Variants in ADAMTSL1 observed in about 807,000 individuals in gnomAD.
ADAMTSL1 encodes ADAMTS-like protein 1.
In ADAMTSL1, 126 loss-of-function variants were observed where a neutral mutation model predicts 201.8. That is an observed-to-expected ratio of 0.62 (90% CI 0.54 to 0.72). ADAMTSL1 has a LOEUF of 0.72. Among genes scored for constraint, ADAMTSL1 ranks in the 30% least tolerant of loss-of-function variants. The probability of loss-of-function intolerance (pLI) is 0.00; values close to 1 mark genes in which losing one functional copy is unlikely to be tolerated. For missense variants in ADAMTSL1, 2,679 were observed against 2,277.8 expected, an observed-to-expected ratio of 1.18 and a Z score of -3.59; for synonymous variants, 1,121 against 903.4, an observed-to-expected ratio of 1.24 and a Z score of -4.32.
chr9:18,362,517 T>C (rs536957265), intron 2 of ADAMTSL1, among the ~76,000 whole-genome samples: 74 of 152,342 alleles, frequency 4.9e-4, no homozygotes, highest in Non-Finnish European at 8.5e-4. Flanking sequence ...TGAGTGTTCC[T>C]TGCTTTGTGT....
intron 1 of ADAMTSL1, among the ~76,000 whole-genome samples, chr9:17,969,394 A>G (rs1453865937): frequency 1.3e-5 from 2 of 152,088 alleles, no homozygotes; most frequent in Non-Finnish European, 1.5e-5. Flanking sequence ...GGAAGCTGAG[A>G]TACAGGAGGT....
At chr9:18,158,103 G>A (rs1027110533) in intron 1 of ADAMTSL1, among the ~76,000 whole-genome samples, 8 of 151,980 alleles carry the variant, frequency 5.3e-5, no homozygotes, top group African/African-American at 1.4e-4. Flanking sequence ...CCTGCTCTCT[G>A]TATAAATGGC....
chr9:18,669,275 A>G (rs1020151103), intron 9 of ADAMTSL1, among the ~76,000 whole-genome samples: 1 of 152,256 alleles, frequency 6.6e-6, no homozygotes, highest in African/African-American at 2.4e-5. Context: ...AAAGAAGTAA[A>G]CAAAGACCAA....
At chr9:17,954,795 T>C (rs1827867301) in intron 1 of ADAMTSL1, among the ~76,000 whole-genome samples, 1 of 152,170 alleles carries the variant, frequency 6.6e-6, no homozygotes, top group Non-Finnish European at 1.5e-5. Context: ...GTTAGGTCTG[T>C]TTAGAGTTTT....
At chr9:18,288,413 G>A (rs573677496) in intron 2 of ADAMTSL1, among the ~76,000 whole-genome samples, 1 of 152,100 alleles carries the variant, frequency 6.6e-6, no homozygotes, top group Non-Finnish European at 1.5e-5. Flanking sequence ...TTTAAATGTA[G>A]CAGTTCTGAA....
intron 16 of ADAMTSL1, 111 bp downstream of exon 16, chr9:18,753,619 T>C (rs2133613154): frequency 8.6e-7 from 1 of 1,163,846 alleles, no homozygotes; most frequent in Admixed American, 2.0e-5. Flanking sequence ...ATGTTCAAGA[T>C]CTGCTCATTT....
chr9:18,582,618 G>A (rs1823172179), intron 4 of ADAMTSL1, among the ~76,000 whole-genome samples: 1 of 152,100 alleles, frequency 6.6e-6, no homozygotes, highest in Non-Finnish European at 1.5e-5. Context: ...GGAGGCTGAG[G>A]TGGGTGGATC....
At chr9:18,762,000 T>C (rs746646524) in intron 16 of ADAMTSL1, among the ~76,000 whole-genome samples, 30 of 152,352 alleles carry the variant, frequency 2.0e-4, no homozygotes, top group Admixed American at 5.9e-4. Flanking sequence ...TGATAAAAGG[T>C]AGATGATCAG....
chr9:18,278,488 T>A (rs1475151779), intron 2 of ADAMTSL1, among the ~76,000 whole-genome samples: 1 of 152,188 alleles, frequency 6.6e-6, no homozygotes, highest in South Asian at 2.1e-4. Context: ...TACTCTCTCC[T>A]GGGCACCAAT....
intron 2 of ADAMTSL1, among the ~76,000 whole-genome samples, chr9:18,268,688 A>G (rs927001038): frequency 2.0e-5 from 3 of 152,142 alleles, no homozygotes; most frequent in Non-Finnish European, 4.4e-5. Flanking sequence ...TACCTTTCCA[A>G]CTGACAGACT....
At chr9:18,040,563 C>G (rs777061291) in intron 1 of ADAMTSL1, among the ~76,000 whole-genome samples, 5 of 152,118 alleles carry the variant, frequency 3.3e-5, no homozygotes, top group Non-Finnish European at 7.4e-5. Context: ...AGCAGTCCTG[C>G]CATAGTGCAT....
intron 23 of ADAMTSL1, among the ~76,000 whole-genome samples, chr9:18,876,302 G>GTGTGTGTGTGTT (rs1828145992): frequency 5.5e-5 from 1 of 18,056 alleles, no homozygotes; most frequent in African/African-American, 5.9e-4. Flanking sequence ...GCCTGAATAC[G>GTGTGTGTGTGTT]TGTGTGTGTG....
At chr9:18,446,060 T>C (rs777672286) in intron 2 of ADAMTSL1, among the ~76,000 whole-genome samples, 66 of 152,176 alleles carry the variant, frequency 4.3e-4, no homozygotes, top group Admixed American at 2.0e-3. Flanking sequence ...TGATTCCAGA[T>C]TTCATCCCAG....
intron 1 of ADAMTSL1, among the ~76,000 whole-genome samples, chr9:17,978,570 T>C (rs1351439882): frequency 6.7e-6 from 1 of 150,346 alleles, no homozygotes; most frequent in Non-Finnish European, 1.5e-5. Context: ...AACACTATAC[T>C]TTTTATTTCT....
At chr9:18,166,206 A>G (rs898100152) in intron 2 of ADAMTSL1, among the ~76,000 whole-genome samples, 2 of 151,946 alleles carry the variant, frequency 1.3e-5, no homozygotes, top group Non-Finnish European at 2.9e-5. Context: ...CCTTGAAGAC[A>G]GGACCTCTGT....
chr9:18,444,952 C>G (rs57153018), intron 2 of ADAMTSL1, among the ~76,000 whole-genome samples: 5,753 of 152,208 alleles, frequency 0.038, 347 homozygotes, highest in African/African-American at 0.13. Context: ...TACGATTACC[C>G]TCATTTCACA....
chr9:18,217,262 C>T (rs1830088200), intron 2 of ADAMTSL1, among the ~76,000 whole-genome samples: 1 of 152,168 alleles, frequency 6.6e-6, no homozygotes, highest in African/African-American at 2.4e-5. Flanking sequence ...GCTTATTCTT[C>T]ATAACAACCC....
At chr9:18,242,232 T>G (rs1009798932) in intron 2 of ADAMTSL1, among the ~76,000 whole-genome samples, 1 of 152,134 alleles carries the variant, frequency 6.6e-6, no homozygotes, top group East Asian at 1.9e-4. Flanking sequence ...ATGTAATATA[T>G]CATGTTAACT....
intron 3 of ADAMTSL1, among the ~76,000 whole-genome samples, chr9:18,544,261 A>G (rs1039018607): frequency 6.6e-6 from 1 of 152,202 alleles, no homozygotes; most frequent in Non-Finnish European, 1.5e-5. Context: ...ACACTCTTAC[A>G]AGAAACAGGG....
Sources: allele counts gnomAD v4.1 joint callset (sites outside exome capture counted in the v4.1 genomes callset), GRCh38; gene constraint gnomAD v4.1.1; transcripts MANE v1.5; gene names NCBI Gene and HGNC (gene_info 2026-07-23, HGNC 2026-07-21).